NRXN3: variants seen among roughly 807,000 people sequenced by gnomAD.
NRXN3 encodes the protein neurexin III.
In NRXN3, 32 loss-of-function variants were observed where a neutral mutation model predicts 137.6. The observed-to-expected ratio is 0.23, with a 90% confidence interval of 0.18 to 0.31. The LOEUF is 0.31. Ranked by LOEUF, NRXN3 falls within the 10% of genes least tolerant of loss-of-function variation. The pLI is 1.00. For missense variants in NRXN3, 1,574 were observed against 2,062.5 expected, an observed-to-expected ratio of 0.76 and a Z score of 4.59; for synonymous variants, 798 against 784.5, an observed-to-expected ratio of 1.02 and a Z score of -0.29.
At chr14:79,055,376 C>A (rs993993562) in intron 15 of NRXN3, among the ~76,000 whole-genome samples, 2 of 152,120 alleles carry the variant, frequency 1.3e-5, no homozygotes, top group African/African-American at 4.8e-5. Context: ...ATTACTCCGA[C>A]TGTACAGGTG....
intron 4 of NRXN3, among the ~76,000 whole-genome samples, chr14:78,358,349 G>A (rs974206160): frequency 2.6e-5 from 4 of 152,104 alleles, no homozygotes; most frequent in African/African-American, 7.2e-5. Flanking sequence ...ATAGGAAAGT[G>A]AGGCACAGAG....
At chr14:79,371,083 G>T (rs1295862759) in intron 15 of NRXN3, among the ~76,000 whole-genome samples, 6 of 152,098 alleles carry the variant, frequency 3.9e-5, no homozygotes, top group African/African-American at 1.4e-4. Context: ...AATAAATGTT[G>T]TTCTAACTGT....
chr14:79,794,606 T>G (rs936113864), intron 19 of NRXN3, among the ~76,000 whole-genome samples: 1 of 152,106 alleles, frequency 6.6e-6, no homozygotes, highest in Non-Finnish European at 1.5e-5. Context: ...ACTCAGCCTG[T>G]AGATATAACA....
chr14:78,985,679 C>T (rs2099501534), intron 14 of NRXN3, among the ~76,000 whole-genome samples: 1 of 152,136 alleles, frequency 6.6e-6, no homozygotes, highest in African/African-American at 2.4e-5. Context: ...GTAAAACTTT[C>T]CATAAACCTT....
At chr14:78,934,354 C>T (rs1487777310) in intron 10 of NRXN3, among the ~76,000 whole-genome samples, 2 of 152,154 alleles carry the variant, frequency 1.3e-5, no homozygotes, top group South Asian at 4.1e-4. Flanking sequence ...CCAGACAATG[C>T]TTCCAGCTCA....
At chr14:79,105,415 A>G (rs892617904) in intron 15 of NRXN3, among the ~76,000 whole-genome samples, 7 of 152,154 alleles carry the variant, frequency 4.6e-5, no homozygotes, top group African/African-American at 1.7e-4. Context: ...TTTTTATTTT[A>G]CACAAAATAT....
At chr14:78,505,807 AG>A (rs2095977694) in intron 4 of NRXN3, among the ~76,000 whole-genome samples, 1 of 152,136 alleles carries the variant, frequency 6.6e-6, no homozygotes, top group African/African-American at 2.4e-5. Context: ...ATTTTTTGAA[AG>A]TTTTTCTGAT....
chr14:79,785,802 C>T (rs2099127699), intron 19 of NRXN3, among the ~76,000 whole-genome samples: 2 of 152,098 alleles, frequency 1.3e-5, no homozygotes, highest in South Asian at 4.2e-4. Flanking sequence ...AGACCACTAA[C>T]CAGAATTTTT....
intron 20 of NRXN3, among the ~76,000 whole-genome samples, chr14:79,850,290 G>A (rs943501396): frequency 6.6e-6 from 1 of 152,058 alleles, no homozygotes; most frequent in Admixed American, 6.6e-5. Context: ...ATTCTCCCTG[G>A]GAAGTTTAAA....
chr14:78,587,818 A>G (rs1807335921), intron 4 of NRXN3, among the ~76,000 whole-genome samples: 1 of 152,094 alleles, frequency 6.6e-6, no homozygotes, highest in African/African-American at 2.4e-5. Context: ...CCTTTGTCAT[A>G]TTTCTATATT....
At chr14:79,428,398 T>G (rs780135070) in intron 15 of NRXN3, among the ~76,000 whole-genome samples, 56 of 152,270 alleles carry the variant, frequency 3.7e-4, no homozygotes, top group Non-Finnish European at 7.3e-4. Context: ...CATGTCTGCC[T>G]AGTACCTTCA....
chr14:79,090,816 T>C (rs1376214215), intron 15 of NRXN3, among the ~76,000 whole-genome samples: 1 of 152,084 alleles, frequency 6.6e-6, no homozygotes, highest in Admixed American at 6.6e-5. Context: ...TAAACATACA[T>C]GGTATTTGAA....
At chr14:79,706,006 C>CT (rs1018490038) in intron 19 of NRXN3, among the ~76,000 whole-genome samples, 2 of 148,310 alleles carry the variant, frequency 1.3e-5, no homozygotes, top group African/African-American at 2.5e-5. Context: ...CCACCAGTAC[C>CT]TTCTCAGGGA....
At chr14:78,561,245 C>T (rs2096783882) in intron 4 of NRXN3, among the ~76,000 whole-genome samples, 1 of 152,076 alleles carries the variant, frequency 6.6e-6, no homozygotes, top group Non-Finnish European at 1.5e-5. Context: ...TTTCATTGGC[C>T]AAAGCAGGTC....
rs773748898 is a variant in NRXN3, at chr14:78,803,617, C to T, written c.2045-3C>T. 10 of 1,613,782 alleles carry T rather than the reference C, an allele frequency of 6.2e-6. No individual in the cohort carries two copies. Among genetic ancestry groups the T allele is most frequent in the Non-Finnish European group, 8.5e-6 (10 of 1,179,688 alleles). ...AACGATCTTCTCCATTCTTCTTTGG[C>T]AGAGGCATCCATCCTGAGCTATGAT... On this transcript the variant is annotated splice_region_variant and splice_polypyrimidine_tract_variant and intron_variant, in intron 8 of 20. Coordinates refer to ENST00000335750, the MANE Select transcript of NRXN3 (RefSeq NM_001330195.2).
chr14:78,910,645 G>A (rs751856184), intron 10 of NRXN3, among the ~76,000 whole-genome samples: 1 of 151,898 alleles, frequency 6.6e-6, no homozygotes, highest in Non-Finnish European at 1.5e-5. Context: ...CTCTAGCCCT[G>A]GGCTTTATTT....
intron 15 of NRXN3, among the ~76,000 whole-genome samples, chr14:79,013,568 C>T (rs1014629815): frequency 2.6e-5 from 4 of 152,110 alleles, no homozygotes; most frequent in Non-Finnish European, 5.9e-5. Flanking sequence ...TAGATTTTAC[C>T]AGTCACCTTG....
chr14:79,750,669 T>C (rs1041812583), intron 19 of NRXN3, among the ~76,000 whole-genome samples: 12 of 152,188 alleles, frequency 7.9e-5, no homozygotes, highest in Non-Finnish European at 7.3e-5. Flanking sequence ...GGGCAGGTTA[T>C]AGTATTCAAT....
chr14:79,116,610 A>G (rs1223016993), intron 15 of NRXN3, among the ~76,000 whole-genome samples: 2 of 152,124 alleles, frequency 1.3e-5, no homozygotes, highest in Non-Finnish European at 2.9e-5. Flanking sequence ...CAGAGTGAAT[A>G]TTGTTTTGAT....
Sources: gnomAD v4.1 joint callset for allele counts (sites outside exome capture counted in the v4.1 genomes callset) on GRCh38, gnomAD v4.1.1 for gene constraint, MANE v1.5 for transcripts, NCBI Gene and HGNC (gene_info 2026-07-23, HGNC 2026-07-21) for gene names.